The following TMPRSS15 variants were observed in gnomAD, a reference collection of about 807,000 sequenced individuals.
The protein encoded by TMPRSS15 is transmembrane serine protease 15.
In TMPRSS15, 128 loss-of-function variants were observed where a neutral mutation model predicts 125.3. The ratio of observed to expected loss-of-function variants is 1.02; its 90% CI spans 0.89 to 1.18. The LOEUF is 1.18. TMPRSS15 is among the 50% of genes most tolerant of loss of function. The pLI is 0.00. For synonymous variants in TMPRSS15, 446 were observed against 423.2 expected, an observed-to-expected ratio of 1.05 and a Z score of -0.66; for missense variants, 1,283 against 1,212.7, an observed-to-expected ratio of 1.06 and a Z score of -0.86.
At chr21:18,320,497 C>T (rs902670336) in intron 16 of TMPRSS15, among the ~76,000 whole-genome samples, 2 of 151,984 alleles carry the variant, frequency 1.3e-5, no homozygotes, top group East Asian at 3.9e-4. Context: ...AAATCACATA[C>T]GAGTTGAATG....
chr21:18,415,623 TTG>T (rs1037628506), intron 1 of TMPRSS15, among the ~76,000 whole-genome samples: 20 of 152,224 alleles, frequency 1.3e-4, no homozygotes, highest in African/African-American at 4.8e-4. Context: ...TCCTTACCCA[TTG>T]TGTATCCTTA....
At chr21:18,288,811 C>CAGGCATGA (rs2074798712) in intron 21 of TMPRSS15, among the ~76,000 whole-genome samples, 1 of 151,572 alleles carries the variant, frequency 6.6e-6, no homozygotes, top group Non-Finnish European at 1.5e-5. Context: ...GCTAGGATTA[C>CAGGCATGA]AGGCATGAGC....
chr21:18,339,169 T>C (rs2075423190), intron 13 of TMPRSS15, among the ~76,000 whole-genome samples: 2 of 152,226 alleles, frequency 1.3e-5, no homozygotes, highest in Admixed American at 6.5e-5. Flanking sequence ...CAGATATTTA[T>C]AAAATTTGAA....
intron 3 of TMPRSS15, 110 bp from the exon 4 acceptor site, chr21:18,383,888 T>G: frequency 7.8e-7 from 1 of 1,277,170 alleles, no homozygotes; most frequent in Non-Finnish European, 1.1e-6. Context: ...ATCTTGCTAA[T>G]TCTCATTATA....
chr21:18,473,045 G>T (rs28515672), intron 1 of TMPRSS15, among the ~76,000 whole-genome samples: 44 of 152,168 alleles, frequency 2.9e-4, no homozygotes, highest in African/African-American at 9.9e-4. Flanking sequence ...TCAAGCTGTT[G>T]TCCTAGCTCA....
chr21:18,301,243 C>G (rs899935019), intron 18 of TMPRSS15, among the ~76,000 whole-genome samples: 9 of 152,262 alleles, frequency 5.9e-5, no homozygotes, highest in African/African-American at 1.9e-4. Context: ...TTGTGATGGA[C>G]TACCTGCATT....
intron 1 of TMPRSS15, among the ~76,000 whole-genome samples, chr21:18,472,332 A>G (rs1032441731): frequency 2.0e-5 from 3 of 151,828 alleles, no homozygotes; most frequent in Non-Finnish European, 2.9e-5. Flanking sequence ...AAATAAACGT[A>G]TGTTCTAAAA....
chr21:18,477,985 C>T (rs752121147), intron 1 of TMPRSS15, among the ~76,000 whole-genome samples: 4 of 151,910 alleles, frequency 2.6e-5, no homozygotes, highest in Non-Finnish European at 5.9e-5. Context: ...AAATAATGGC[C>T]ATTTAAATCT....
chr21:18,337,095 T>C (rs1349213970), intron 13 of TMPRSS15, among the ~76,000 whole-genome samples: 3 of 152,248 alleles, frequency 2.0e-5, no homozygotes, highest in African/African-American at 7.2e-5. Flanking sequence ...GGTTTCGCCA[T>C]GTTGGCGAGG....
intron 23 of TMPRSS15, among the ~76,000 whole-genome samples, chr21:18,276,343 T>TC (rs2146858474): frequency 6.6e-6 from 1 of 152,280 alleles, no homozygotes; most frequent in African/African-American, 2.4e-5. Context: ...TGTAAACACT[T>TC]CCACAATGAT....
At chr21:18,317,791 TCCCATCCCATCCCA>T (rs2075183940) in intron 16 of TMPRSS15, among the ~76,000 whole-genome samples, 1 of 108,468 alleles carries the variant, frequency 9.2e-6, no homozygotes, top group Non-Finnish European at 1.9e-5. Flanking sequence ...TCCCATCCCA[TCCCATCCCATCCCA>T]TCCCATCCCA....
chr21:18,345,759 A>AAAAAAAAAT (rs2075501713), intron 10 of TMPRSS15, among the ~76,000 whole-genome samples: 1 of 144,750 alleles, frequency 6.9e-6, no homozygotes, highest in African/African-American at 2.5e-5. Context: ...AAAAAAAAAA[A>AAAAAAAAAT]AAATCCACTG....
chr21:18,413,566 G>A (rs60096676), intron 1 of TMPRSS15, among the ~76,000 whole-genome samples: 1,854 of 147,828 alleles, frequency 0.013, 52 homozygotes, highest in African/African-American at 0.044. Flanking sequence ...ACAGGCGCCC[G>A]CCACCACACC....
chr21:18,433,140 A>G (rs1732624737), intron 1 of TMPRSS15, among the ~76,000 whole-genome samples: 1 of 152,144 alleles, frequency 6.6e-6, no homozygotes, highest in African/African-American at 2.4e-5. Context: ...CATACCTTAA[A>G]TGGGGGAAAT....
chr21:18,306,015 T>C (rs994779847), intron 18 of TMPRSS15, among the ~76,000 whole-genome samples: 1 of 152,212 alleles, frequency 6.6e-6, no homozygotes, highest in African/African-American at 2.4e-5. Context: ...AGAATAAAAG[T>C]ACCTTCTGTG....
At position 18,341,504 on chromosome 21, in the gene TMPRSS15, C is replaced by A. The variant is rs2824751; in HGVS notation, c.1473G>T (p.Ala491=). 1,300 of 1,613,954 alleles carry A rather than the reference C, an allele frequency of 8.1e-4. 12 individuals carry two copies. In the African/African-American group the frequency reaches 0.016, roughly 20 times the overall value. The change falls in exon 13 of 25, where the codon GCG becomes GCT. Residue 491 remains alanine, a synonymous_variant. Coordinates refer to ENST00000284885, the MANE Select transcript of TMPRSS15 (RefSeq NM_002772.3). ...AFKNKILSDI[A]LDDISLTYGI... ...CATATGTTAGGCTAATGTCATCCAA[C>A]GCAATATCACTCAGGATCTTGTTTT...
chr21:18,286,869 C>G (rs1480968739), intron 21 of TMPRSS15, among the ~76,000 whole-genome samples: 1 of 152,176 alleles, frequency 6.6e-6, no homozygotes, highest in Non-Finnish European at 1.5e-5. Flanking sequence ...AGCAGCAGGG[C>G]TTTTTGAGGT....
At chr21:18,305,180 G>T (rs11909148) in intron 18 of TMPRSS15, among the ~76,000 whole-genome samples, 1 of 139,392 alleles carries the variant, frequency 7.2e-6, no homozygotes. Context: ...TTGAATTTCC[G>T]TACTTTTTTT....
At chr21:18,413,141 A>G (rs2076170210) in intron 1 of TMPRSS15, among the ~76,000 whole-genome samples, 1 of 152,050 alleles carries the variant, frequency 6.6e-6, no homozygotes, top group Non-Finnish European at 1.5e-5. Flanking sequence ...AATTGTAACT[A>G]TGAGTTTGAA....
Sources: allele counts gnomAD v4.1 joint callset (sites outside exome capture counted in the v4.1 genomes callset), GRCh38; gene constraint gnomAD v4.1.1; transcripts MANE v1.5; gene names NCBI Gene and HGNC (gene_info 2026-07-23, HGNC 2026-07-21).